INPP4B: variants seen among roughly 807,000 people sequenced by gnomAD.
The protein encoded by INPP4B is inositol polyphosphate-4-phosphatase type II B, also known as inositol polyphosphate 4-phosphatase type II.
Under a neutral mutation model 122.5 loss-of-function variants are expected in INPP4B, and 55 were observed. That is an observed-to-expected ratio of 0.45 (90% confidence interval 0.36 to 0.56). INPP4B has a LOEUF of 0.56. INPP4B is among the 20% of genes least tolerant of loss of function. INPP4B has a pLI of 0.00. For missense variants in INPP4B, 1,000 were observed against 1,097.7 expected, an observed-to-expected ratio of 0.91 and a Z score of 1.26; for synonymous variants, 403 against 388.7, an observed-to-expected ratio of 1.04 and a Z score of -0.43.
intron 2 of INPP4B, among the ~76,000 whole-genome samples, chr4:142,660,340 C>T (rs567115506): frequency 3.3e-4 from 50 of 152,214 alleles, no homozygotes; most frequent in Middle Eastern, 3.4e-3. Flanking sequence ...GAGAAGGGAA[C>T]TAGAGATGGC....
At chr4:142,785,653 G>A (rs79055570) in intron 1 of INPP4B, among the ~76,000 whole-genome samples, 13,360 of 151,842 alleles carry the variant, frequency 0.088, 738 homozygotes, top group African/African-American at 0.15. Flanking sequence ...AAAAAGAACA[G>A]AATATCCAAG....
intron 2 of INPP4B, among the ~76,000 whole-genome samples, chr4:142,538,798 A>G (rs1226922161): frequency 6.6e-6 from 1 of 152,056 alleles, no homozygotes; most frequent in African/African-American, 2.4e-5. Context: ...AATTGTTTTA[A>G]CAAAACATGT....
At chr4:142,808,527 G>C (rs1779127600) in intron 1 of INPP4B, among the ~76,000 whole-genome samples, 1 of 152,102 alleles carries the variant, frequency 6.6e-6, no homozygotes, top group African/African-American at 2.4e-5. Flanking sequence ...CAGGGCAACA[G>C]ACTACTTTAG....
At chr4:142,372,772 A>T (rs1401722691) in intron 7 of INPP4B, among the ~76,000 whole-genome samples, 1 of 152,040 alleles carries the variant, frequency 6.6e-6, no homozygotes, top group Non-Finnish European at 1.5e-5. Flanking sequence ...TTCCATCATC[A>T]GCTGAAGTGT....
intron 2 of INPP4B, among the ~76,000 whole-genome samples, chr4:142,700,286 A>G (rs1761560517): frequency 6.6e-6 from 1 of 152,346 alleles, no homozygotes; most frequent in Non-Finnish European, 1.5e-5. Context: ...TAAACTTTTT[A>G]TTATTTACAA....
At chr4:142,480,357 T>G (rs1014162658) in intron 2 of INPP4B, among the ~76,000 whole-genome samples, 4 of 152,094 alleles carry the variant, frequency 2.6e-5, no homozygotes, top group African/African-American at 4.8e-5. Context: ...TTTATGAAGT[T>G]TTTCAGAAAC....
At chr4:142,730,761 C>T (rs1470407465) in intron 1 of INPP4B, among the ~76,000 whole-genome samples, 1 of 152,170 alleles carries the variant, frequency 6.6e-6, no homozygotes, top group African/African-American at 2.4e-5. Context: ...ACTTGTGCCT[C>T]TCACATTTTT....
chr4:142,211,906 T>C (rs3775674), intron 12 of INPP4B, among the ~76,000 whole-genome samples: 129,423 of 152,094 alleles, frequency 0.85, 56,628 homozygotes, highest in East Asian at 0.96. Context: ...ACTGGGGATA[T>C]GCTAATGCCT....
intron 1 of INPP4B, among the ~76,000 whole-genome samples, chr4:142,739,043 AT>A (rs1767506007): frequency 6.6e-6 from 1 of 152,132 alleles, no homozygotes. Context: ...GGCTAAAACA[AT>A]CACCATCAAC....
chr4:142,575,013 A>ACTGAGAGT (rs1368491326), intron 2 of INPP4B, among the ~76,000 whole-genome samples: 37 of 152,240 alleles, frequency 2.4e-4, no homozygotes, highest in Admixed American at 2.2e-3. Flanking sequence ...TTTCGCTAGC[A>ACTGAGAGT]CTGAGAGTCT....
intron 1 of INPP4B, among the ~76,000 whole-genome samples, chr4:142,841,014 G>A (rs1220991004): frequency 6.6e-6 from 1 of 151,996 alleles, no homozygotes; most frequent in Non-Finnish European, 1.5e-5. Context: ...TACAGGTTTT[G>A]TTAAGGAAGA....
intron 2 of INPP4B, among the ~76,000 whole-genome samples, chr4:142,697,090 T>A (rs555727387): frequency 6.6e-6 from 1 of 152,334 alleles, no homozygotes; most frequent in East Asian, 1.9e-4. Context: ...TCATATTATA[T>A]ACATGTGATG....
intron 2 of INPP4B, among the ~76,000 whole-genome samples, chr4:142,724,664 G>C (rs945607667): frequency 6.6e-6 from 1 of 152,084 alleles, no homozygotes; most frequent in African/African-American, 2.4e-5. Flanking sequence ...AACTTGGATA[G>C]GGTGACTACC....
At chr4:142,267,375 G>A (rs778476642) in intron 10 of INPP4B, among the ~76,000 whole-genome samples, 3 of 152,104 alleles carry the variant, frequency 2.0e-5, no homozygotes, top group Admixed American at 6.5e-5. Context: ...CACATTGACC[G>A]ATGGAACAGG....
At chr4:142,643,535 T>C (rs899711626) in intron 2 of INPP4B, among the ~76,000 whole-genome samples, 1 of 152,190 alleles carries the variant, frequency 6.6e-6, no homozygotes, top group Non-Finnish European at 1.5e-5. Context: ...GGTGTTCACT[T>C]TGATAAATCA....
chr4:142,505,867 T>A (rs1456622170), intron 2 of INPP4B, among the ~76,000 whole-genome samples: 1 of 152,210 alleles, frequency 6.6e-6, no homozygotes, highest in Non-Finnish European at 1.5e-5. Flanking sequence ...AATTCTCCTA[T>A]ACCCAGATAT....
At chr4:142,436,450 C>T (rs1332939596) in intron 3 of INPP4B, among the ~76,000 whole-genome samples, 1 of 152,190 alleles carries the variant, frequency 6.6e-6, no homozygotes, top group Non-Finnish European at 1.5e-5. Flanking sequence ...TGCCACCCAA[C>T]TGGGTGACCC....
intron 23 of INPP4B, among the ~76,000 whole-genome samples, chr4:142,088,460 T>A (rs1777876689): frequency 6.6e-6 from 1 of 152,126 alleles, no homozygotes; most frequent in Non-Finnish European, 1.5e-5. Context: ...AAAAGAAGAA[T>A]TGGCCAGATT....
chr4:142,635,956 G>A (rs568340970), intron 2 of INPP4B, among the ~76,000 whole-genome samples: 1 of 152,252 alleles, frequency 6.6e-6, no homozygotes, highest in South Asian at 2.1e-4. Context: ...AATTTTCGGT[G>A]ATATGTGTCC....
Sources: allele counts gnomAD v4.1 joint callset (sites outside exome capture counted in the v4.1 genomes callset), GRCh38; gene constraint gnomAD v4.1.1; transcripts MANE v1.5; gene names NCBI Gene and HGNC (gene_info 2026-07-23, HGNC 2026-07-21).